SLIT3: variants seen among roughly 807,000 people sequenced by gnomAD.
SLIT3 encodes the protein slit homolog 3 protein.
A neutral mutation model predicts 184.0 loss-of-function variants in SLIT3; 68 were observed. That is an observed-to-expected ratio of 0.37 (90% CI 0.30 to 0.45). The LOEUF is 0.45. Among genes scored for constraint, SLIT3 ranks in the 20% least tolerant of loss-of-function variants. The probability of loss-of-function intolerance (pLI) is 1.00; values close to 1 mark genes in which losing one functional copy is unlikely to be tolerated. For missense variants in SLIT3, 1,707 were observed against 2,026.0 expected (o/e 0.84, Z 3.02); for synonymous variants, 831 against 828.6 (o/e 1.00, Z -0.05).
chr5:168,874,163 T>A (rs1303754154), intron 5 of SLIT3, among the ~76,000 whole-genome samples: 2 of 141,868 alleles, frequency 1.4e-5, no homozygotes, highest in Non-Finnish European at 3.0e-5. Context: ...ATACTTGTAA[T>A]GAGTTAAAAA....
At chr5:168,762,914 T>C (rs891367965) in intron 14 of SLIT3, among the ~76,000 whole-genome samples, 3 of 152,112 alleles carry the variant, frequency 2.0e-5, no homozygotes, top group African/African-American at 7.2e-5. Context: ...TTCATCACCA[T>C]CCTCAGGAAG....
At chr5:169,169,896 T>C (rs1197066446) in intron 4 of SLIT3, among the ~76,000 whole-genome samples, 1 of 152,238 alleles carries the variant, frequency 6.6e-6, no homozygotes, top group East Asian at 1.9e-4. Flanking sequence ...CTTGACTGTG[T>C]GATGCCAGAG....
chr5:168,892,205 A>C (rs1005903634), intron 4 of SLIT3, among the ~76,000 whole-genome samples: 1 of 152,258 alleles, frequency 6.6e-6, no homozygotes, highest in Admixed American at 6.5e-5. Context: ...AATATATCCA[A>C]AAGATTGCCA....
At chr5:168,844,877 C>A in intron 5 of SLIT3, 33 of 417,632 alleles carry the variant, frequency 7.9e-5, no homozygotes, top group Non-Finnish European at 8.7e-5. Flanking sequence ...TGTCAGGTCT[C>A]AGTAAATATT....
chr5:168,765,863 C>A (rs1431691345), intron 14 of SLIT3, among the ~76,000 whole-genome samples: 1 of 152,124 alleles, frequency 6.6e-6, no homozygotes, highest in East Asian at 1.9e-4. Flanking sequence ...CCCTCCTCCC[C>A]TTTCGCGGGC....
chr5:168,785,481 A>T (rs1022097354), intron 12 of SLIT3, among the ~76,000 whole-genome samples: 18 of 152,056 alleles, frequency 1.2e-4, no homozygotes, highest in Admixed American at 3.9e-4. Context: ...CTCTGCCCCG[A>T]CCCCTCTTCA....
At position 169,225,971 on chromosome 5, in the gene SLIT3, G is replaced by C. The variant is rs929065930; in HGVS notation, c.341+18734C>G. Among the ~76,000 whole-genome samples, 5 of 152,172 alleles carry C rather than the reference G, an allele frequency of 3.3e-5. No homozygotes were observed. The East Asian group carries it at 9.6e-4, about 29-fold the overall frequency. On this transcript the variant is annotated intron_variant, in intron 3 of 35. Coordinates refer to ENST00000519560, the MANE Select transcript of SLIT3 (RefSeq NM_003062.4). ...TGGAAGCAGACAGGGAAGAGAGGAG[G>C]TCTGCAGTCCTTTGAGCAAGAGAAG... is the stretch of plus-strand genomic sequence containing the variant.
chr5:169,149,321 T>C (rs1353450354), intron 4 of SLIT3, among the ~76,000 whole-genome samples: 7 of 151,136 alleles, frequency 4.6e-5, no homozygotes, highest in Admixed American at 2.0e-4. Flanking sequence ...CCTAAACTTA[T>C]GAGAGAATAC....
At chr5:169,093,854 G>T (rs1222869822) in intron 4 of SLIT3, among the ~76,000 whole-genome samples, 1 of 152,080 alleles carries the variant, frequency 6.6e-6, no homozygotes, top group Non-Finnish European at 1.5e-5. Flanking sequence ...CCTTGAAGAG[G>T]CCTTATGAAT....
intron 20 of SLIT3, among the ~76,000 whole-genome samples, chr5:168,741,000 T>C (rs1763614809): frequency 6.6e-6 from 1 of 152,176 alleles, no homozygotes. Context: ...GGAAGCTCAC[T>C]GCACGTGGGG....
In SLIT3 at chr5:168,853,047, A is replaced by G. The variant is rs187468458; in HGVS notation, c.486-8392T>C. Among the ~76,000 whole-genome samples, 24 of 152,344 alleles carry G rather than the reference A, an allele frequency of 1.6e-4. No homozygotes were observed. In the East Asian group the frequency reaches 4.4e-3, roughly 28 times the overall value. ...TGAAATTCTAAAAACATTCTTGTTC[A>G]TCTAACTTAGACCCTTCTGTGATTT... On this transcript the variant is annotated intron_variant, in intron 5 of 35. Transcript: ENST00000519560.
intron 4 of SLIT3, among the ~76,000 whole-genome samples, chr5:168,977,042 G>A (rs1031702533): frequency 2.6e-5 from 4 of 151,994 alleles, no homozygotes; most frequent in Non-Finnish European, 5.9e-5. Flanking sequence ...GTTGGGGGAG[G>A]TCCTCAGTGG....
chr5:169,166,639 C>G (rs971076441), intron 4 of SLIT3, among the ~76,000 whole-genome samples: 4 of 152,190 alleles, frequency 2.6e-5, no homozygotes, highest in African/African-American at 9.6e-5. Flanking sequence ...CTTCAACCCA[C>G]CCAGTCCATC....
At chr5:168,856,962 C>T (rs954965050) in intron 5 of SLIT3, among the ~76,000 whole-genome samples, 9 of 151,922 alleles carry the variant, frequency 5.9e-5, no homozygotes, top group African/African-American at 1.2e-4. Context: ...GGACGTGCGA[C>T]GGCTCCTGGG....
At chr5:169,104,545 C>T (rs896193414) in intron 4 of SLIT3, among the ~76,000 whole-genome samples, 6 of 152,192 alleles carry the variant, frequency 3.9e-5, no homozygotes, top group Non-Finnish European at 7.3e-5. Flanking sequence ...CATTGATGAA[C>T]TTTGGGTCAA....
At chr5:169,108,043 C>T (rs942062059) in intron 4 of SLIT3, among the ~76,000 whole-genome samples, 5 of 152,188 alleles carry the variant, frequency 3.3e-5, no homozygotes, top group Admixed American at 3.3e-4. Context: ...ATACCTCTTT[C>T]CCCCAGCAGA....
chr5:168,724,624 A>G (rs953032330), intron 20 of SLIT3, 140 bp from the exon 21 acceptor site: 16 of 506,086 alleles, frequency 3.2e-5, no homozygotes, highest in Admixed American at 6.4e-5. Context: ...ACTTCAAAGC[A>G]TTACTATATT....
At chr5:169,247,172 C>T (rs1765621119) in intron 2 of SLIT3, among the ~76,000 whole-genome samples, 1 of 150,386 alleles carries the variant, frequency 6.6e-6, no homozygotes, top group African/African-American at 2.5e-5. Context: ...GCTAAGATTG[C>T]ACCATTGCAC....
At chr5:168,914,040 C>G (rs1342428208) in intron 4 of SLIT3, among the ~76,000 whole-genome samples, 1 of 152,192 alleles carries the variant, frequency 6.6e-6, no homozygotes, top group African/African-American at 2.4e-5. Flanking sequence ...TGGCCACATA[C>G]TCTTTCTTCA....
Sources: allele counts gnomAD v4.1 joint callset (sites outside exome capture counted in the v4.1 genomes callset), GRCh38; gene constraint gnomAD v4.1.1; transcripts MANE v1.5; gene names NCBI Gene and HGNC (gene_info 2026-07-23, HGNC 2026-07-21).